The following FIG4 variants were observed in gnomAD, a reference collection of about 807,000 sequenced individuals.
FIG4 encodes the protein FIG4 phosphoinositide 5-phosphatase.
In FIG4, 112 loss-of-function variants were observed where a neutral mutation model predicts 118.6. The ratio of observed to expected loss-of-function variants is 0.94; its 90% CI spans 0.81 to 1.11. The LOEUF is 1.11. Among genes scored for constraint, FIG4 ranks in the 50% least tolerant of loss-of-function variants. The pLI, the probability that FIG4 is intolerant of heterozygous loss-of-function variation, is 0.00. For synonymous variants in FIG4, 369 were observed against 381.2 expected, an observed-to-expected ratio of 0.97 and a Z score of 0.37; for missense variants, 969 against 1,111.7, an observed-to-expected ratio of 0.87 and a Z score of 1.83.
At chr6:109,817,906 A>G (rs1010092278) in intron 22 of FIG4, among the ~76,000 whole-genome samples, 24 of 152,260 alleles carry the variant, frequency 1.6e-4, no homozygotes, top group African/African-American at 5.8e-4. Flanking sequence ...GGTAAATTAA[A>G]TAGAAAGTGA....
At chr6:109,814,547 C>G (rs1778807736) in intron 22 of FIG4, among the ~76,000 whole-genome samples, 1 of 151,988 alleles carries the variant, frequency 6.6e-6, no homozygotes, top group South Asian at 2.1e-4. Flanking sequence ...ATGGAAGGTA[C>G]TTTGAAACTA....
chr6:109,804,653 A>G (rs2128399639), intron 22 of FIG4, among the ~76,000 whole-genome samples: 1 of 152,250 alleles, frequency 6.6e-6, no homozygotes, highest in African/African-American at 2.4e-5. Flanking sequence ...TTTTAATATT[A>G]TTACTTATTT....
chr6:109,700,029 A>G (rs1298427946), intron 1 of FIG4, among the ~76,000 whole-genome samples: 1 of 152,142 alleles, frequency 6.6e-6, no homozygotes, highest in Non-Finnish European at 1.5e-5. Context: ...ATCCCCATTC[A>G]TGAGGGCTCT....
chr6:109,730,206 G>A (rs367664179), intron 4 of FIG4, among the ~76,000 whole-genome samples: 2 of 151,878 alleles, frequency 1.3e-5, no homozygotes, highest in Non-Finnish European at 2.9e-5. Context: ...ATGCCACCAC[G>A]CCTGACTAAT....
chr6:109,759,496 A>G (rs1166595708), intron 10 of FIG4, among the ~76,000 whole-genome samples: 10 of 152,216 alleles, frequency 6.6e-5, no homozygotes, highest in African/African-American at 2.4e-4. Flanking sequence ...TACTGTTTTT[A>G]CCCTATTTTA....
At chr6:109,741,884 A>ACTGT (rs1776335052) in intron 8 of FIG4, among the ~76,000 whole-genome samples, 1 of 152,098 alleles carries the variant, frequency 6.6e-6, no homozygotes, top group African/African-American at 2.4e-5. Flanking sequence ...TTAAGGGAAT[A>ACTGT]ATGACAATAA....
rs571626080 is a variant in FIG4, at chr6:109,751,860, T to G, written c.1137+8088T>G. On this transcript the variant is annotated intron_variant, in intron 10 of 22. Coordinates refer to ENST00000230124, the MANE Select transcript of FIG4 (RefSeq NM_014845.6). The stretch of plus-strand genomic sequence containing the variant: ...CTTTTTTTTTATTATTATTATACTT[T>G]AAGTTTTAGGGTACGTGTGCACAAT... 5.3e-5 allele frequency among the ~76,000 whole-genome samples: 8 copies of G among 151,652 alleles called. No homozygotes were observed. The South Asian group carries it at 1.7e-3, about 32-fold the overall frequency.
chr6:109,768,785 C>T (rs531968115), intron 15 of FIG4, among the ~76,000 whole-genome samples: 2 of 152,256 alleles, frequency 1.3e-5, no homozygotes, highest in Admixed American at 6.5e-5. Context: ...TGCCCCTGCC[C>T]ACAAACACGG....
intron 21 of FIG4, among the ~76,000 whole-genome samples, chr6:109,793,677 G>A (rs1210991882): frequency 3.3e-5 from 5 of 151,940 alleles, no homozygotes; most frequent in African/African-American, 1.2e-4. Flanking sequence ...AATGAGCACT[G>A]ATCTTCAGTT....
chr6:109,800,997 G>T (rs868602614), intron 22 of FIG4, among the ~76,000 whole-genome samples: 1 of 152,056 alleles, frequency 6.6e-6, no homozygotes, highest in Admixed American at 6.6e-5. Flanking sequence ...CACTATATTC[G>T]TGCAAGACCA....
chr6:109,740,350 C>T (rs79745975), intron 7 of FIG4, among the ~76,000 whole-genome samples: 4,282 of 152,074 alleles, frequency 0.028, 203 homozygotes, highest in African/African-American at 0.096. Context: ...GGTTATCAAG[C>T]GTTTAATGAA....
chr6:109,791,447 A>T lies in FIG4; in HGVS notation c.2252A>T (p.Glu751Val). ...TAASAPPPPS[E>V]EAVSSSSEDD... ...GCCAGCGCCCCGCCGCCCCCCAGCGAGGAGGCTGTGTCCAGCAGCTCTGAG... is the reference window on the plus strand; with the variant it reads ...GCCAGCGCCCCGCCGCCCCCCAGCGTGGAGGCTGTGTCCAGCAGCTCTGAG... Residue 751 changes from glutamate to valine, a missense_variant, in exon 20 of 23, where the codon GAG (glutamate) becomes GTG (valine). Around this residue, in one of 3 missense-constraint regions of FIG4, gnomAD observed 330 missense variants for 348.1 expected, o/e 0.95. Coordinates refer to ENST00000230124, the MANE Select transcript of FIG4 (RefSeq NM_014845.6). 6.2e-7 allele frequency: 1 copy of T among 1,613,904 alleles called. No homozygotes were observed.
chr6:109,750,393 T>G (rs1776652555), intron 10 of FIG4, among the ~76,000 whole-genome samples: 1 of 152,120 alleles, frequency 6.6e-6, no homozygotes, highest in Non-Finnish European at 1.5e-5. Context: ...CCCAGTGACC[T>G]GGGAAACAGG....
intron 1 of FIG4, among the ~76,000 whole-genome samples, chr6:109,707,861 A>G (rs1293438655): frequency 1.3e-5 from 2 of 151,866 alleles, no homozygotes; most frequent in Non-Finnish European, 2.9e-5. Context: ...AAATATCTTT[A>G]TTTTTGCTAA....
intron 17 of FIG4, among the ~76,000 whole-genome samples, chr6:109,785,473 A>G (rs1777926054): frequency 6.6e-6 from 1 of 152,246 alleles, no homozygotes; most frequent in Non-Finnish European, 1.5e-5. Context: ...AGTACATTTT[A>G]GTCACATTTA....
At chr6:109,782,078 T>G (rs149387571) in intron 16 of FIG4, among the ~76,000 whole-genome samples, 1,967 of 152,236 alleles carry the variant, frequency 0.013, 46 homozygotes, top group African/African-American at 0.045. Flanking sequence ...TTCCCTAACC[T>G]TCCTATGGAA....
At chr6:109,711,725 C>G (rs2128380636) in intron 1 of FIG4, among the ~76,000 whole-genome samples, 1 of 152,174 alleles carries the variant, frequency 6.6e-6, no homozygotes. Flanking sequence ...ATCCAGTTTG[C>G]CACTGTGTGC....
chr6:109,795,963 A>C (rs1309819921), intron 21 of FIG4, among the ~76,000 whole-genome samples: 1 of 152,140 alleles, frequency 6.6e-6, no homozygotes, highest in Non-Finnish European at 1.5e-5. Flanking sequence ...CAAAACTACA[A>C]AACCGTATCC....
chr6:109,724,213 T>C (rs1775711196), intron 3 of FIG4, among the ~76,000 whole-genome samples: 1 of 152,156 alleles, frequency 6.6e-6, no homozygotes, highest in Admixed American at 6.5e-5. Context: ...CCTATAAGGT[T>C]CTCAGGATTT....
Sources: allele counts gnomAD v4.1 joint callset (sites outside exome capture counted in the v4.1 genomes callset), GRCh38; gene constraint gnomAD v4.1.1; regional missense constraint gnomAD v4.1.1; transcripts MANE v1.5; gene names NCBI Gene and HGNC (gene_info 2026-07-23, HGNC 2026-07-21).